The following TTLL11 variants were observed in gnomAD, a reference collection of about 807,000 sequenced individuals.
TTLL11 encodes tubulin tyrosine ligase like 11, also known as tubulin polyglutamylase TTLL11.
TTLL11 carries 42 observed loss-of-function variants against 51.7 expected under a neutral mutation model. That is an observed-to-expected ratio of 0.81 (90% confidence interval 0.64 to 1.05). The LOEUF is 1.05. Ranked by LOEUF, TTLL11 falls within the 50% of genes least tolerant of loss-of-function variation. The probability of loss-of-function intolerance (pLI) is 0.00; values close to 1 mark genes in which losing one functional copy is unlikely to be tolerated. For missense variants in TTLL11, 799 were observed against 940.4 expected (o/e 0.85, Z 1.97); for synonymous variants, 381 against 383.5 (o/e 0.99, Z 0.08).
chr9:121,816,327 A>G lies in TTLL11; in HGVS notation c.*6260T>C, dbSNP rs1030788717. On this transcript the variant is annotated 3_prime_UTR_variant, in exon 9 of 9. Coordinates refer to ENST00000321582, the MANE Select transcript of TTLL11 (RefSeq NM_001139442.2). ...GGAGCAGTCAGTGTTCTGTGGCCCA[A>G]GACTGGGTCCTGGTTGGAATCTTAG... 1.3e-5 allele frequency: 2 copies of G among 152,174 alleles called. No homozygotes were observed. Among genetic ancestry groups the G allele is most frequent in the African/African-American group, 4.8e-5 (2 of 41,442 alleles). 9.4% of individuals were successfully genotyped at this position (152,174 alleles called of 1,614,324 possible).
intron 1 of TTLL11, among the ~76,000 whole-genome samples, chr9:122,043,946 G>A (rs1844923763): frequency 6.6e-6 from 1 of 151,792 alleles, no homozygotes; most frequent in Non-Finnish European, 1.5e-5. Context: ...CCATGTTGGT[G>A]TGCTGCACCC....
intron 8 of TTLL11, among the ~76,000 whole-genome samples, chr9:121,844,615 T>C (rs879739133): frequency 2.6e-5 from 4 of 152,112 alleles, no homozygotes; most frequent in Non-Finnish European, 5.9e-5. Flanking sequence ...AAGTCTCTAA[T>C]GGAAAAAGTA....
intron 6 of TTLL11, among the ~76,000 whole-genome samples, chr9:121,947,654 GA>G (rs1223022343): frequency 3.3e-5 from 5 of 152,276 alleles, no homozygotes; most frequent in Middle Eastern, 3.4e-3. Flanking sequence ...GAGCATAATA[GA>G]AAATGTTCTC....
chr9:122,064,531 G>A (rs1185910986), intron 1 of TTLL11, among the ~76,000 whole-genome samples: 1 of 152,156 alleles, frequency 6.6e-6, no homozygotes, highest in Non-Finnish European at 1.5e-5. Context: ...TATGCCTGTT[G>A]ATCAATAGCA....
chr9:122,072,208 T>C (rs1403746307), intron 1 of TTLL11, among the ~76,000 whole-genome samples: 1 of 152,064 alleles, frequency 6.6e-6, no homozygotes, highest in African/African-American at 2.4e-5. Context: ...ACCCAGTCTC[T>C]AAAAGTTTAA....
At chr9:121,932,884 T>A (rs4538962) in intron 6 of TTLL11, among the ~76,000 whole-genome samples, 1 of 152,076 alleles carries the variant, frequency 6.6e-6, no homozygotes, top group Non-Finnish European at 1.5e-5. Context: ...CAGGAAAATC[T>A]GTCTCATTAA....
intron 6 of TTLL11, among the ~76,000 whole-genome samples, chr9:121,898,948 T>C (rs1326823216): frequency 6.6e-6 from 1 of 152,216 alleles, no homozygotes; most frequent in African/African-American, 2.4e-5. Flanking sequence ...GGTGCCCTTC[T>C]TCTTTGCCTG....
chr9:122,006,958 G>C (rs1256863739), intron 3 of TTLL11, among the ~76,000 whole-genome samples: 1 of 139,342 alleles, frequency 7.2e-6, no homozygotes, highest in Non-Finnish European at 1.5e-5. Context: ...TCCACTCCTC[G>C]GTGGCAGAGC....
chr9:121,952,839 G>A (rs1392672991), intron 6 of TTLL11, among the ~76,000 whole-genome samples: 1 of 152,132 alleles, frequency 6.6e-6, no homozygotes, highest in Non-Finnish European at 1.5e-5. Context: ...TCAGCCTCAG[G>A]AAGCTCATTT....
intron 6 of TTLL11, among the ~76,000 whole-genome samples, chr9:121,875,559 G>T (rs746235709): frequency 1.3e-4 from 20 of 152,186 alleles, no homozygotes; most frequent in Non-Finnish European, 2.6e-4. Context: ...TTCAGAGGGA[G>T]GTGGTTTTAC....
intron 6 of TTLL11, among the ~76,000 whole-genome samples, chr9:121,901,663 T>C (rs1012087966): frequency 6.6e-6 from 1 of 152,038 alleles, no homozygotes; most frequent in Non-Finnish European, 1.5e-5. Context: ...GGGTTTTTCC[T>C]GGTTCACTCG....
At chr9:121,884,373 CTT>C (rs1838920467) in intron 6 of TTLL11, among the ~76,000 whole-genome samples, 3 of 152,316 alleles carry the variant, frequency 2.0e-5, no homozygotes, top group African/African-American at 7.2e-5. Context: ...AAAAGCGACT[CTT>C]TTAGTTTCCC....
intron 1 of TTLL11, among the ~76,000 whole-genome samples, chr9:122,067,025 C>G (rs1845604042): frequency 6.6e-6 from 1 of 152,106 alleles, no homozygotes; most frequent in Non-Finnish European, 1.5e-5. Flanking sequence ...CTGGTCTCTC[C>G]CTTGACACAT....
intron 8 of TTLL11, among the ~76,000 whole-genome samples, chr9:121,843,679 T>C (rs968574268): frequency 2.0e-5 from 3 of 152,096 alleles, no homozygotes; most frequent in African/African-American, 7.2e-5. Flanking sequence ...TTTGTTATTA[T>C]TATTATTATT....
At chr9:121,917,515 GAGAA>G (rs199622838) in intron 6 of TTLL11, among the ~76,000 whole-genome samples, 20 of 143,810 alleles carry the variant, frequency 1.4e-4, no homozygotes, top group African/African-American at 4.2e-4. Context: ...GAAGGAGAGA[GAGAA>G]AGAAAGGAAG....
intron 6 of TTLL11, among the ~76,000 whole-genome samples, chr9:121,913,775 T>C (rs1840226189): frequency 6.6e-6 from 1 of 152,160 alleles, no homozygotes; most frequent in Non-Finnish European, 1.5e-5. Flanking sequence ...CAAATCAACA[T>C]CTCATGCATT....
At chr9:121,891,648 T>C (rs1428634980) in intron 6 of TTLL11, among the ~76,000 whole-genome samples, 1 of 152,176 alleles carries the variant, frequency 6.6e-6, no homozygotes, top group Non-Finnish European at 1.5e-5. Flanking sequence ...ACTGTATCTA[T>C]AATCATCGTG....
intron 1 of TTLL11, among the ~76,000 whole-genome samples, chr9:122,042,678 T>A (rs1844877939): frequency 1.3e-5 from 2 of 152,250 alleles, no homozygotes. Context: ...AGCTGAGATG[T>A]CCTTCAGTAG....
chr9:121,832,177 G>A (rs1837037356), intron 8 of TTLL11, among the ~76,000 whole-genome samples: 1 of 152,150 alleles, frequency 6.6e-6, no homozygotes, highest in Admixed American at 6.6e-5. Context: ...TAAATTTGGT[G>A]GGAGACACAA....
Sources: gnomAD v4.1 joint callset for allele counts (sites outside exome capture counted in the v4.1 genomes callset) on GRCh38, gnomAD v4.1.1 for gene constraint, MANE v1.5 for transcripts, NCBI Gene and HGNC (gene_info 2026-07-23, HGNC 2026-07-21) for gene names.